GRAMD1B: variants seen among roughly 807,000 people sequenced by gnomAD.
GRAMD1B encodes protein Aster-B.
GRAMD1B carries 37 observed loss-of-function variants against 99.7 expected under a neutral mutation model. That is an observed-to-expected ratio of 0.37 (90% confidence interval 0.29 to 0.49). The LOEUF (loss-of-function observed/expected upper bound fraction) is 0.49, where lower values mean the gene tolerates loss of function less well. GRAMD1B is among the 20% of genes least tolerant of loss of function. The probability of loss-of-function intolerance (pLI) is 0.98; values close to 1 mark genes in which losing one functional copy is unlikely to be tolerated. For missense variants in GRAMD1B, 888 were observed against 1,009.2 expected, an observed-to-expected ratio of 0.88 and a Z score of 1.63; for synonymous variants, 427 against 387.6, an observed-to-expected ratio of 1.10 and a Z score of -1.19.
intron 2 of GRAMD1B, among the ~76,000 whole-genome samples, chr11:123,487,358 C>T (rs1937941116): frequency 6.6e-6 from 1 of 152,092 alleles, no homozygotes; most frequent in Admixed American, 6.6e-5. Flanking sequence ...GTCACATGGA[C>T]AGCATTTGCA....
chr11:123,379,800 A>G (rs117155739), intron 1 of GRAMD1B, among the ~76,000 whole-genome samples: 2 of 152,326 alleles, frequency 1.3e-5, no homozygotes, highest in East Asian at 3.9e-4. Flanking sequence ...CAGTGTAAGT[A>G]TATTGCATAT....
chr11:123,499,868 T>G (rs1939681093), intron 2 of GRAMD1B, among the ~76,000 whole-genome samples: 2 of 152,240 alleles, frequency 1.3e-5, no homozygotes. Context: ...TTTGGTTGAC[T>G]TTTGAAACTC....
At position 123,469,652 on chromosome 11, in the gene GRAMD1B, T is replaced by C. The variant is rs1346040212; in HGVS notation, c.375-11164T>C. ...GCTCTGTACCTCTGCAACTATACGA[T>C]ACTAAAAATAAGTATTATTTTTAAT... On this transcript the variant is annotated intron_variant, in intron 1 of 19. Coordinates refer to ENST00000635736, the MANE Select transcript of GRAMD1B (RefSeq NM_001387025.1). Among the ~76,000 whole-genome samples, 3 of 152,198 alleles carry C rather than the reference T, an allele frequency of 2.0e-5. No individual in the cohort carries two copies. In the East Asian group the frequency reaches 5.8e-4, roughly 29 times the overall value.
At chr11:123,434,694 A>G (rs554167104) in intron 1 of GRAMD1B, among the ~76,000 whole-genome samples, 1 of 152,306 alleles carries the variant, frequency 6.6e-6, no homozygotes, top group Admixed American at 6.5e-5. Flanking sequence ...AGGCTGAGGC[A>G]TGAGAATTGC....
rs966194429 is a variant in GRAMD1B at position 123,627,619 on chromosome 11, T to A, written c.*5024T>A. The A allele has an allele frequency of 6.6e-6, 1 of 152,270 alleles. No homozygotes were observed. The highest frequency in any genetic ancestry group is 2.4e-5 in the African/African-American group (1 of 41,466). The allele number at this position is 152,270 out of a possible 1,614,324, so 9.4% of individuals were successfully genotyped here. ...GGCCATCTGTATTTGGATCTATAACTGTACTTTGCCTGGCGCTGTGCGCAA... is the reference window on the plus strand; with the variant it reads ...GGCCATCTGTATTTGGATCTATAACAGTACTTTGCCTGGCGCTGTGCGCAA... On this transcript the variant is annotated 3_prime_UTR_variant, in exon 20 of 20. Coordinates refer to ENST00000635736, the MANE Select transcript of GRAMD1B (RefSeq NM_001387025.1).
intron 2 of GRAMD1B, among the ~76,000 whole-genome samples, chr11:123,500,050 G>C (rs917633111): frequency 5.3e-5 from 8 of 152,130 alleles, no homozygotes; most frequent in African/African-American, 1.9e-4. Context: ...TATTTTGGCC[G>C]GACGCAGTGG....
intron 19 of GRAMD1B, among the ~76,000 whole-genome samples, chr11:123,620,589 A>G (rs1280489661): frequency 6.6e-6 from 1 of 152,036 alleles, no homozygotes; most frequent in Admixed American, 6.6e-5. Flanking sequence ...TTTTAAACCA[A>G]AAGGGGACAG....
chr11:123,415,382 T>C (rs1003635582), intron 1 of GRAMD1B, among the ~76,000 whole-genome samples: 5 of 152,126 alleles, frequency 3.3e-5, no homozygotes, highest in Admixed American at 1.3e-4. Flanking sequence ...ATTACAGGCG[T>C]GAGCCACCGT....
chr11:123,572,542 T>G (rs1402291347), intron 2 of GRAMD1B, among the ~76,000 whole-genome samples: 3 of 152,180 alleles, frequency 2.0e-5, no homozygotes, highest in African/African-American at 7.2e-5. Flanking sequence ...TTTGCTGAGT[T>G]AGAACTAGAA....
At chr11:123,605,202 CA>C (rs1952548774) in intron 9 of GRAMD1B, 119 bp from the exon 10 acceptor site, 1 of 670,906 alleles carries the variant, frequency 1.5e-6, no homozygotes, top group African/African-American at 1.8e-5. Context: ...AGATCATACA[CA>C]AAGCAAAGAA....
intron 1 of GRAMD1B, among the ~76,000 whole-genome samples, chr11:123,438,601 C>A (rs1013157671): frequency 3.9e-5 from 6 of 152,084 alleles, no homozygotes; most frequent in South Asian, 4.1e-4. Flanking sequence ...AGAGATGGAA[C>A]CCTGTGGGCT....
intron 2 of GRAMD1B, among the ~76,000 whole-genome samples, chr11:123,490,500 G>A (rs919776236): frequency 6.6e-6 from 1 of 152,174 alleles, no homozygotes; most frequent in Non-Finnish European, 1.5e-5. Context: ...CACAGAGGCT[G>A]TTTCATGGAC....
chr11:123,462,029 C>T (rs549418896), intron 1 of GRAMD1B, among the ~76,000 whole-genome samples: 18 of 146,134 alleles, frequency 1.2e-4, no homozygotes, highest in African/African-American at 4.1e-4. Flanking sequence ...TGCAGTGGCA[C>T]GGTCTTGGCT....
chr11:123,458,072 T>G (rs767038562), intron 1 of GRAMD1B, among the ~76,000 whole-genome samples: 10 of 152,134 alleles, frequency 6.6e-5, no homozygotes, highest in Non-Finnish European at 1.2e-4. Context: ...GATAAGTGCG[T>G]ATGTATGCTA....
At chr11:123,374,727 G>A (rs752363432) in intron 1 of GRAMD1B, among the ~76,000 whole-genome samples, 15 of 152,120 alleles carry the variant, frequency 9.9e-5, no homozygotes, top group Non-Finnish European at 1.9e-4. Flanking sequence ...TTTCACTCTG[G>A]GCTGAGTGCT....
At position 123,443,107 on chromosome 11, in the gene GRAMD1B, C is replaced by T. The variant is rs111608978; in HGVS notation, c.374+11941C>T. Among the ~76,000 whole-genome samples the T allele has an allele frequency of 2.6e-3, 396 of 152,262 alleles. 1 individual carries two copies. Among genetic ancestry groups the T allele is most frequent in the African/African-American group, 9.1e-3 (379 of 41,552 alleles). ...TGACTAAGAATGCCTTAACTTACTGCGAATGTAGTCCAGCGGGTCTTAGCC... is the reference window on the plus strand; with the variant it reads ...TGACTAAGAATGCCTTAACTTACTGTGAATGTAGTCCAGCGGGTCTTAGCC... On this transcript the variant is annotated intron_variant, in intron 1 of 19. Coordinates refer to ENST00000635736, the MANE Select transcript of GRAMD1B (RefSeq NM_001387025.1).
chr11:123,379,409 A>T (rs571277025), intron 1 of GRAMD1B, among the ~76,000 whole-genome samples: 17 of 144,276 alleles, frequency 1.2e-4, no homozygotes, highest in African/African-American at 3.6e-4. Flanking sequence ...GAGATATCTT[A>T]AAAAAAAAAC....
chr11:123,573,569 A>T (rs1306125689), intron 2 of GRAMD1B, among the ~76,000 whole-genome samples: 1 of 152,192 alleles, frequency 6.6e-6, no homozygotes, highest in Non-Finnish European at 1.5e-5. Context: ...GAAAGTTTGA[A>T]ATCTTGCCCT....
chr11:123,608,555 T>C (rs759083376), intron 11 of GRAMD1B, 104 bp from the exon 12 acceptor site: 28 of 1,547,328 alleles, frequency 1.8e-5, no homozygotes, highest in Non-Finnish European at 2.3e-5. Context: ...CCTTGTTGAC[T>C]GTGCTCATAT....
Sources: allele counts gnomAD v4.1 joint callset (sites outside exome capture counted in the v4.1 genomes callset), GRCh38; gene constraint gnomAD v4.1.1; transcripts MANE v1.5; gene names NCBI Gene and HGNC (gene_info 2026-07-23, HGNC 2026-07-21).